DLG2: variants seen among roughly 807,000 people sequenced by gnomAD.
DLG2 encodes discs large MAGUK scaffold protein 2.
DLG2 carries 45 observed loss-of-function variants against 132.5 expected under a neutral mutation model. That is an observed-to-expected ratio of 0.34 (90% CI 0.27 to 0.44). DLG2 has a LOEUF of 0.44. DLG2 is among the 20% of genes least tolerant of loss of function. The probability of loss-of-function intolerance (pLI) is 1.00; values close to 1 mark genes in which losing one functional copy is unlikely to be tolerated. For missense variants in DLG2, 1,045 were observed against 1,196.9 expected (o/e 0.87, Z 1.87); for synonymous variants, 424 against 419.6 (o/e 1.01, Z -0.13).
At chr11:85,231,266 A>C (rs145820119) in intron 4 of DLG2, among the ~76,000 whole-genome samples, 2 of 152,084 alleles carry the variant, frequency 1.3e-5, no homozygotes, top group Non-Finnish European at 2.9e-5. Flanking sequence ...TATGTACTTC[A>C]GTGTGGATAG....
chr11:84,730,103 C>G (rs1412625868), intron 6 of DLG2, among the ~76,000 whole-genome samples: 1 of 151,928 alleles, frequency 6.6e-6, no homozygotes, highest in Non-Finnish European at 1.5e-5. Context: ...TGGCAAAATT[C>G]AAATAAAAGA....
intron 9 of DLG2, among the ~76,000 whole-genome samples, chr11:84,151,232 T>C (rs1002533969): frequency 6.6e-6 from 1 of 151,932 alleles, no homozygotes; most frequent in Non-Finnish European, 1.5e-5. Flanking sequence ...TTTCAGAACT[T>C]ATTATTGGGC....
chr11:83,974,347 A>C (rs2091879032), intron 12 of DLG2, among the ~76,000 whole-genome samples: 1 of 151,450 alleles, frequency 6.6e-6, no homozygotes, highest in Admixed American at 6.6e-5. Context: ...GTTTCTACTC[A>C]CATTTCCTAA....
In DLG2 at chr11:84,179,476, T is replaced by C. The variant is rs1404174996; in HGVS notation, c.574-15965A>G. On this transcript the variant is annotated intron_variant, in intron 8 of 27. Transcript: ENST00000376104. Reference sequence around the variant, plus strand: ...AGTGCCAGGGTAGAAAAACCTGAACTATAACTGATGAATTGTTAGATGCTC... The same window carrying C: ...AGTGCCAGGGTAGAAAAACCTGAACCATAACTGATGAATTGTTAGATGCTC... 2.6e-5 allele frequency among the ~76,000 whole-genome samples: 4 copies of C among 152,222 alleles called. No homozygotes were observed. In the East Asian group the frequency reaches 7.7e-4, roughly 29 times the overall value.
chr11:83,824,019 A>G (rs2051702895), intron 17 of DLG2, among the ~76,000 whole-genome samples: 1 of 152,204 alleles, frequency 6.6e-6, no homozygotes, highest in South Asian at 2.1e-4. Context: ...TCCAAATACC[A>G]CCATCATTAC....
intron 4 of DLG2, among the ~76,000 whole-genome samples, chr11:85,283,580 A>G (rs1358531406): frequency 6.6e-6 from 1 of 151,844 alleles, no homozygotes; most frequent in East Asian, 1.9e-4. Flanking sequence ...AAAAATAGAC[A>G]AAGAGCTTGA....
chr11:84,910,360 C>T (rs960718230), intron 6 of DLG2, among the ~76,000 whole-genome samples: 7 of 152,140 alleles, frequency 4.6e-5, no homozygotes, highest in Non-Finnish European at 1.0e-4. Flanking sequence ...CTGCTATTTT[C>T]ATTACCTGAA....
chr11:84,232,241 A>AT (rs1367285347), intron 8 of DLG2, among the ~76,000 whole-genome samples: 3 of 151,926 alleles, frequency 2.0e-5, no homozygotes, highest in Non-Finnish European at 2.9e-5. Flanking sequence ...ACTTTGCTTC[A>AT]TTTTTTTCAG....
At chr11:85,520,184 G>A (rs985292638) in intron 3 of DLG2, among the ~76,000 whole-genome samples, 1 of 151,900 alleles carries the variant, frequency 6.6e-6, no homozygotes, top group Non-Finnish European at 1.5e-5. Flanking sequence ...CCAGCCAGTA[G>A]CATTTCTATA....
At chr11:83,940,059 A>G (rs11233821) in intron 14 of DLG2, among the ~76,000 whole-genome samples, 9,862 of 152,286 alleles carry the variant, frequency 0.065, 400 homozygotes, top group East Asian at 0.15. Flanking sequence ...TACTGTAAAC[A>G]GGTTATGAAG....
intron 3 of DLG2, among the ~76,000 whole-genome samples, chr11:85,302,622 A>G (rs942622262): frequency 4.0e-5 from 6 of 150,976 alleles, no homozygotes; most frequent in East Asian, 2.0e-4. Context: ...GGCTAATCCA[A>G]TTGGATACTC....
At chr11:83,979,860 A>C (rs2092627238) in intron 12 of DLG2, among the ~76,000 whole-genome samples, 1 of 152,174 alleles carries the variant, frequency 6.6e-6, no homozygotes, top group Non-Finnish European at 1.5e-5. Context: ...ATAAATAGTA[A>C]TTGCTCTCCC....
intron 18 of DLG2, among the ~76,000 whole-genome samples, chr11:83,655,453 G>C (rs891748491): frequency 2.6e-5 from 4 of 152,148 alleles, no homozygotes; most frequent in Non-Finnish European, 1.5e-5. Context: ...TTCAGGGAGA[G>C]CACTTGTCAG....
chr11:84,487,345 T>G (rs1341441289), intron 7 of DLG2, among the ~76,000 whole-genome samples: 2 of 152,194 alleles, frequency 1.3e-5, no homozygotes, highest in East Asian at 1.9e-4. Flanking sequence ...ATAAAATGCT[T>G]GATAAAATTT....
chr11:83,663,936 G>A (rs975979370), intron 18 of DLG2, among the ~76,000 whole-genome samples: 2 of 152,180 alleles, frequency 1.3e-5, no homozygotes, highest in Admixed American at 1.3e-4. Flanking sequence ...ATTAAAAAGA[G>A]TGTCACATTT....
chr11:83,695,663 T>C (rs1412236652), intron 18 of DLG2, among the ~76,000 whole-genome samples: 3 of 152,000 alleles, frequency 2.0e-5, no homozygotes, highest in Non-Finnish European at 4.4e-5. Flanking sequence ...CACTTAAACC[T>C]GGGAGGTGGA....
chr11:85,115,767 T>C (rs565237985), intron 5 of DLG2, among the ~76,000 whole-genome samples: 45 of 152,046 alleles, frequency 3.0e-4, no homozygotes, highest in Admixed American at 2.8e-3. Flanking sequence ...TAGTGCAAAG[T>C]AAAGACATTA....
chr11:84,008,367 G>A (rs2154058920), intron 11 of DLG2, among the ~76,000 whole-genome samples: 1 of 152,010 alleles, frequency 6.6e-6, no homozygotes. Flanking sequence ...TTTGGCTTTT[G>A]CAGCACAATT....
chr11:84,679,208 C>T (rs2099722644), intron 6 of DLG2, among the ~76,000 whole-genome samples: 1 of 151,762 alleles, frequency 6.6e-6, no homozygotes, highest in South Asian at 2.1e-4. Flanking sequence ...GTCTCAGGTG[C>T]TGATGCTGGA....
Sources: gnomAD v4.1 joint callset for allele counts (sites outside exome capture counted in the v4.1 genomes callset) on GRCh38, gnomAD v4.1.1 for gene constraint, MANE v1.5 for transcripts, NCBI Gene and HGNC (gene_info 2026-07-23, HGNC 2026-07-21) for gene names.